The following CATSPERB variants were observed in gnomAD, a reference collection of about 807,000 sequenced individuals.
The protein encoded by CATSPERB is cation channel sperm-associated auxiliary subunit beta.
CATSPERB carries 93 observed loss-of-function variants against 128.3 expected under a neutral mutation model. The ratio of observed to expected loss-of-function variants is 0.72; its 90% confidence interval spans 0.61 to 0.86. The LOEUF (loss-of-function observed/expected upper bound fraction) is 0.86, where lower values mean the gene tolerates loss of function less well. Ranked by LOEUF, CATSPERB falls within the 40% of genes least tolerant of loss-of-function variation. CATSPERB has a pLI of 0.00. For synonymous variants in CATSPERB, 381 were observed against 448.8 expected (o/e 0.85, Z 1.91); for missense variants, 1,153 against 1,329.5 (o/e 0.87, Z 2.06).
chr14:91,636,527 T>C lies in CATSPERB; in HGVS notation c.1640A>G (p.Asp547Gly), dbSNP rs1894378729. ...TALAPQHTSL[D>G]EIIFFAYVPE... ...TACATATGCAAAAAAGATAATTTCA[T>C]CTAAGGAGGTGTGCTGTGGGGCAAG... is the stretch of plus-strand genomic sequence containing the variant. The change falls in exon 17 of 27, where the codon GAT becomes GGT. Residue 547 changes from aspartate to glycine, a missense_variant. Transcript: ENST00000256343. 1.2e-6 allele frequency: 2 copies of C among 1,613,826 alleles called. No homozygotes were observed. The highest frequency in any genetic ancestry group is 1.7e-5 in the Admixed American group (1 of 59,962).
rs937122794 is a variant in CATSPERB, at chr14:91,636,189, C to T, written c.1742+236G>A. ...ACCAGCCTGGGCAACATGGTGAAAC[C>T]CCATCTCTACAAAAAATACAAAACT... On this transcript the variant is annotated intron_variant, in intron 17 of 26. Transcript: ENST00000256343. The T allele has an allele frequency of 1.4e-4, 61 of 426,922 alleles. 1 individual carries two copies. Among genetic ancestry groups the T allele is most frequent in the Non-Finnish European group, 1.9e-4 (45 of 238,686 alleles). The allele number at this position is 426,922 out of a possible 1,614,324, so 26.4% of individuals were successfully genotyped here.
intron 14 of CATSPERB, among the ~76,000 whole-genome samples, chr14:91,668,838 A>C (rs938922053): frequency 2.6e-5 from 4 of 152,184 alleles, no homozygotes; most frequent in Admixed American, 2.6e-4. Flanking sequence ...AACTCTGGAC[A>C]CATCTGAACA....
chr14:91,613,972 T>G (rs1893886644), intron 20 of CATSPERB, among the ~76,000 whole-genome samples: 1 of 152,152 alleles, frequency 6.6e-6, no homozygotes, highest in South Asian at 2.1e-4. Flanking sequence ...TCATGTAAGA[T>G]TCTCATGAAG....
At chr14:91,697,299 G>A (rs72703372) in intron 7 of CATSPERB, among the ~76,000 whole-genome samples, 1,729 of 152,222 alleles carry the variant, frequency 0.011, 18 homozygotes, top group Non-Finnish European at 0.016. Flanking sequence ...AAAAAGATGG[G>A]CTCTGAGAAT....
intron 11 of CATSPERB, among the ~76,000 whole-genome samples, chr14:91,677,376 C>A (rs190574335): frequency 1.3e-5 from 2 of 152,066 alleles, no homozygotes; most frequent in Non-Finnish European, 2.9e-5. Flanking sequence ...GAAAAAAAAT[C>A]CCATCAAAAA....
At chr14:91,624,774 T>G (rs1354083059) in intron 18 of CATSPERB, 46 bp downstream of exon 18, 5 of 1,375,470 alleles carry the variant, frequency 3.6e-6, no homozygotes, top group Admixed American at 5.2e-5. Context: ...AGATAATTTT[T>G]CATTTTTTTC....
At chr14:91,728,023 C>T (rs975812474) in intron 2 of CATSPERB, among the ~76,000 whole-genome samples, 1 of 152,216 alleles carries the variant, frequency 6.6e-6, no homozygotes, top group African/African-American at 2.4e-5. Context: ...TGCAGACAAC[C>T]TTGTCTATCA....
intron 23 of CATSPERB, among the ~76,000 whole-genome samples, chr14:91,590,259 A>G (rs528629988): frequency 9.8e-5 from 15 of 152,296 alleles, no homozygotes; most frequent in African/African-American, 3.6e-4. Flanking sequence ...GCTAGACACA[A>G]TGGCTCACGC....
intron 15 of CATSPERB, among the ~76,000 whole-genome samples, chr14:91,646,950 G>A (rs944595179): frequency 6.6e-6 from 1 of 152,210 alleles, no homozygotes; most frequent in Non-Finnish European, 1.5e-5. Context: ...TGGGAGCAGT[G>A]GCTCATGCCT....
chr14:91,720,663 T>C (rs980203844), intron 4 of CATSPERB, among the ~76,000 whole-genome samples: 5 of 152,170 alleles, frequency 3.3e-5, no homozygotes, highest in Non-Finnish European at 5.9e-5. Context: ...ACTACCCAAA[T>C]GTATCTACAG....
chr14:91,590,897 C>T lies in CATSPERB; in HGVS notation c.2820+995G>A, dbSNP rs531552883. Among the ~76,000 whole-genome samples the T allele has an allele frequency of 3.8e-3, 583 of 152,002 alleles. 4 individuals carry two copies. The highest frequency in any genetic ancestry group is 6.6e-3 in the Non-Finnish European group (446 of 67,978). Reference sequence around the variant, plus strand: ...CAATCTCCTGACCTCATGATCCGCCCGCCTCGGCCTCCCAAAGTGCTGGAA... The same window carrying T: ...CAATCTCCTGACCTCATGATCCGCCTGCCTCGGCCTCCCAAAGTGCTGGAA... On this transcript the variant is annotated intron_variant, in intron 23 of 26. Coordinates refer to ENST00000256343, the MANE Select transcript of CATSPERB (RefSeq NM_024764.4).
chr14:91,718,424 A>G (rs984855773), intron 5 of CATSPERB, among the ~76,000 whole-genome samples: 1 of 152,152 alleles, frequency 6.6e-6, no homozygotes, highest in Non-Finnish European at 1.5e-5. Flanking sequence ...TATAAGACAC[A>G]GTTTGGAATG....
chr14:91,625,919 G>A (rs1894151333), intron 17 of CATSPERB, among the ~76,000 whole-genome samples: 1 of 152,122 alleles, frequency 6.6e-6, no homozygotes, highest in Non-Finnish European at 1.5e-5. Context: ...GAGCCTAGGA[G>A]TTCAAGACCA....
At chr14:91,617,478 C>G in intron 20 of CATSPERB, 119 bp downstream of exon 20, 1 of 664,180 alleles carries the variant, frequency 1.5e-6, no homozygotes, top group South Asian at 2.2e-5. Flanking sequence ...ACCCTATACT[C>G]TTATGTGTGT....
chr14:91,619,658 T>G (rs1232681663), intron 19 of CATSPERB, among the ~76,000 whole-genome samples: 1 of 152,028 alleles, frequency 6.6e-6, no homozygotes, highest in Admixed American at 6.6e-5. Context: ...ATTTTTCTGT[T>G]ATCTCAAGTT....
At chr14:91,715,443 T>C (rs913589781) in intron 5 of CATSPERB, among the ~76,000 whole-genome samples, 4 of 148,666 alleles carry the variant, frequency 2.7e-5, no homozygotes, top group Admixed American at 1.4e-4. Flanking sequence ...TCCCAGCTAC[T>C]GAGGAGCCTG....
chr14:91,672,864 T>C lies in CATSPERB; in HGVS notation c.1128+3A>G, dbSNP rs1473625826. 5 of 1,554,834 alleles carry C rather than the reference T, an allele frequency of 3.2e-6. No homozygotes were observed. Among genetic ancestry groups the C allele is most frequent in the African/African-American group, 1.4e-5 (1 of 70,906 alleles). The stretch of plus-strand genomic sequence containing the variant: ...TAAATTCCCTCTGGGATATAAGGCC[T>C]ACCTTGTTATAGAAGAGGTAAACTC... On this transcript the variant is annotated splice_donor_region_variant and intron_variant, in intron 13 of 26. Transcript: ENST00000256343.
rs763859272 is a variant in CATSPERB, at chr14:91,582,978, C to T, written c.3133-1871G>A. ...AGCAAGGCCCAGGTGGAGGATGTCACCAGCTGTGGAGGTCCCCGGTTGGCA... is the reference window on the plus strand; with the variant it reads ...AGCAAGGCCCAGGTGGAGGATGTCATCAGCTGTGGAGGTCCCCGGTTGGCA... On this transcript the variant is annotated intron_variant, in intron 26 of 26. Coordinates refer to ENST00000256343, the MANE Select transcript of CATSPERB (RefSeq NM_024764.4). Among the ~76,000 whole-genome samples, 43 of 152,204 alleles carry T rather than the reference C, an allele frequency of 2.8e-4. 1 individual carries two copies. Among genetic ancestry groups the T allele is most frequent in the Non-Finnish European group, 5.6e-4 (38 of 68,032 alleles).
At chr14:91,659,521 T>TAGGTAATATTTTGCTATGATA (rs1231780338) in intron 15 of CATSPERB, among the ~76,000 whole-genome samples, 1 of 152,234 alleles carries the variant, frequency 6.6e-6, no homozygotes, top group African/African-American at 2.4e-5. Flanking sequence ...TTCAGCAAAG[T>TAGGTAATATTTTGCTATGATA]TGTTCTGAAT....
Sources: gnomAD v4.1 joint callset for allele counts (sites outside exome capture counted in the v4.1 genomes callset) on GRCh38, gnomAD v4.1.1 for gene constraint, MANE v1.5 for transcripts, NCBI Gene and HGNC (gene_info 2026-07-23, HGNC 2026-07-21) for gene names.